Variants in CYB5R4 observed in about 807,000 individuals in gnomAD.
CYB5R4 encodes the protein cytochrome b5 reductase 4.
In CYB5R4, 55 loss-of-function variants were observed where a neutral mutation model predicts 70.2. The observed-to-expected ratio is 0.78, with a 90% CI of 0.63 to 0.98. The LOEUF is 0.98. CYB5R4 is among the 50% of genes least tolerant of loss of function. The pLI is 0.00. For missense variants in CYB5R4, 562 were observed against 612.6 expected (o/e 0.92, Z 0.87); for synonymous variants, 197 against 199.5 (o/e 0.99, Z 0.11).
In CYB5R4 at chr6:83,897,983, A is replaced by G. The variant is rs890913419; in HGVS notation, c.330+4361A>G. On this transcript the variant is annotated intron_variant, in intron 3 of 15. Coordinates refer to ENST00000369681, the MANE Select transcript of CYB5R4 (RefSeq NM_016230.4). ...GTCCTTGCCCATGCCTATGTCCTGA[A>G]TGGTATTGCCTAGGTTTTCTTGTAG... Among the ~76,000 whole-genome samples the G allele has an allele frequency of 7.2e-5, 11 of 152,264 alleles. No homozygotes were observed. The South Asian group carries it at 8.3e-4, about 11-fold the overall frequency.
chr6:83,921,995 G>T (rs1275494303), intron 8 of CYB5R4, among the ~76,000 whole-genome samples: 2 of 152,076 alleles, frequency 1.3e-5, no homozygotes, highest in African/African-American at 4.8e-5. Context: ...TTCAATAACT[G>T]AATGGATAGT....
intron 14 of CYB5R4, among the ~76,000 whole-genome samples, chr6:83,948,766 G>A (rs753748721): frequency 2.0e-5 from 3 of 151,850 alleles, no homozygotes; most frequent in Non-Finnish European, 2.9e-5. Flanking sequence ...TTTTTCTTTC[G>A]TTTTGATCTA....
chr6:83,918,157 ATTGCT>A, intron 6 of CYB5R4, 92 bp downstream of exon 6: 1 of 895,476 alleles, frequency 1.1e-6, no homozygotes, highest in Non-Finnish European at 1.8e-6. Flanking sequence ...GGTTTGATTT[ATTGCT>A]TACTGTTAGT....
At chr6:83,959,039 G>A (rs774262352) in intron 15 of CYB5R4, among the ~76,000 whole-genome samples, 60 of 151,956 alleles carry the variant, frequency 3.9e-4, no homozygotes, top group Non-Finnish European at 2.8e-4. Context: ...GAATAAAGGG[G>A]AAAAAAATCA....
chr6:83,913,626 A>G (rs938474452), intron 4 of CYB5R4, among the ~76,000 whole-genome samples: 1 of 152,176 alleles, frequency 6.6e-6, no homozygotes, highest in Non-Finnish European at 1.5e-5. Context: ...AAATATTGGA[A>G]CACAAAAAAT....
At chr6:83,929,119 A>G (rs971135057) in intron 10 of CYB5R4, among the ~76,000 whole-genome samples, 2 of 152,208 alleles carry the variant, frequency 1.3e-5, no homozygotes, top group African/African-American at 4.8e-5. Flanking sequence ...TAGCAAAGAT[A>G]ATTTCATCTT....
chr6:83,923,786 GA>G (rs2099466808), intron 9 of CYB5R4, among the ~76,000 whole-genome samples: 2 of 152,000 alleles, frequency 1.3e-5, no homozygotes, highest in Admixed American at 6.6e-5. Context: ...TTAGTCATCA[GA>G]ATCCTTCAGA....
intron 14 of CYB5R4, among the ~76,000 whole-genome samples, chr6:83,942,533 T>C (rs1330378193): frequency 6.6e-6 from 1 of 152,094 alleles, no homozygotes; most frequent in Non-Finnish European, 1.5e-5. Context: ...CAAACTTGGG[T>C]GGCCATTTGG....
intron 2 of CYB5R4, among the ~76,000 whole-genome samples, chr6:83,892,096 T>C (rs148704980): frequency 6.6e-6 from 1 of 152,230 alleles, no homozygotes; most frequent in East Asian, 1.9e-4. Context: ...TGGGAAAAAA[T>C]TCTTCTAAAT....
At chr6:83,877,280 A>G (rs1049633406) in intron 2 of CYB5R4, among the ~76,000 whole-genome samples, 2 of 152,162 alleles carry the variant, frequency 1.3e-5, no homozygotes, top group Non-Finnish European at 2.9e-5. Flanking sequence ...GTCAGTTTAA[A>G]TATGTCACCC....
At chr6:83,898,613 A>C (rs543687179) in intron 3 of CYB5R4, among the ~76,000 whole-genome samples, 1 of 152,198 alleles carries the variant, frequency 6.6e-6, no homozygotes, top group African/African-American at 2.4e-5. Flanking sequence ...ATGTTCTTCC[A>C]TTTGTTTGTA....
intron 2 of CYB5R4, among the ~76,000 whole-genome samples, chr6:83,884,524 A>T (rs2099459957): frequency 6.6e-6 from 1 of 152,158 alleles, no homozygotes; most frequent in African/African-American, 2.4e-5. Context: ...CATGAAGCTA[A>T]CATTGATGGA....
At chr6:83,863,893 C>T (rs897102364) in intron 1 of CYB5R4, among the ~76,000 whole-genome samples, 2 of 152,086 alleles carry the variant, frequency 1.3e-5, no homozygotes, top group Non-Finnish European at 2.9e-5. Flanking sequence ...ATATGAGACA[C>T]TTGAGCATCC....
chr6:83,894,969 A>G (rs867127929), intron 3 of CYB5R4, among the ~76,000 whole-genome samples: 24 of 152,028 alleles, frequency 1.6e-4, no homozygotes, highest in Admixed American at 2.0e-4. Flanking sequence ...TCAAGGGCCC[A>G]TTGTGTTTGA....
intron 7 of CYB5R4, 129 bp downstream of exon 7, chr6:83,919,583 A>T (rs1290988165): frequency 2.2e-6 from 1 of 445,376 alleles, no homozygotes; most frequent in African/African-American, 2.1e-5. Flanking sequence ...TAGTATTGTT[A>T]TCCCTTTTGT....
intron 10 of CYB5R4, among the ~76,000 whole-genome samples, chr6:83,933,745 A>G (rs1246490046): frequency 2.0e-5 from 3 of 152,188 alleles, no homozygotes; most frequent in African/African-American, 7.2e-5. Context: ...GTATACAAAC[A>G]ATATTTTCTG....
chr6:83,922,322 G>A lies in CYB5R4; in HGVS notation c.659-116G>A, dbSNP rs538637591. 78 of 654,090 alleles carry A rather than the reference G, an allele frequency of 1.2e-4. No homozygotes were observed. The South Asian group carries it at 2.1e-3, about 17-fold the overall frequency. The allele number at this position is 654,090 out of a possible 1,614,324, so 40.5% of individuals were successfully genotyped here. ...AAATTGTTTTGGTCTTTCAGAACACGTTTTGTCTTGAGGGATTTGAAATAG... is the reference window on the plus strand; with the variant it reads ...AAATTGTTTTGGTCTTTCAGAACACATTTTGTCTTGAGGGATTTGAAATAG... On this transcript the variant is annotated intron_variant, in intron 8 of 15. Coordinates refer to ENST00000369681, the MANE Select transcript of CYB5R4 (RefSeq NM_016230.4).
At chr6:83,947,229 A>G (rs760963300) in intron 14 of CYB5R4, among the ~76,000 whole-genome samples, 2 of 152,156 alleles carry the variant, frequency 1.3e-5, no homozygotes, top group Non-Finnish European at 2.9e-5. Flanking sequence ...GTGGAACAGA[A>G]TACAGGTCTC....
At chr6:83,868,013 T>C (rs914397335) in intron 2 of CYB5R4, among the ~76,000 whole-genome samples, 1 of 152,172 alleles carries the variant, frequency 6.6e-6, no homozygotes. Flanking sequence ...CTAAACAAAA[T>C]TACCTTTTTC....
Sources: allele counts gnomAD v4.1 joint callset (sites outside exome capture counted in the v4.1 genomes callset), GRCh38; gene constraint gnomAD v4.1.1; transcripts MANE v1.5; gene names NCBI Gene and HGNC (gene_info 2026-07-23, HGNC 2026-07-21).